RBBP8: variants seen among roughly 807,000 people sequenced by gnomAD.
The protein encoded by RBBP8 is DNA endonuclease RBBP8.
In RBBP8, 88 loss-of-function variants were observed where a neutral mutation model predicts 108.3. That is an observed-to-expected ratio of 0.81 (90% CI 0.68 to 0.97). The LOEUF (loss-of-function observed/expected upper bound fraction) is 0.97, where lower values mean the gene tolerates loss of function less well. Ranked by LOEUF, RBBP8 falls within the 50% of genes least tolerant of loss-of-function variation. RBBP8 has a pLI of 0.00. For synonymous variants in RBBP8, 332 were observed against 348.2 expected (o/e 0.95, Z 0.52); for missense variants, 1,023 against 1,049.0 (o/e 0.98, Z 0.34).
rs535624031 is a variant in RBBP8, at chr18:22,993,331, C to T, written c.1504C>T (p.Arg502Cys). 1.9e-5 allele frequency: 31 copies of T among 1,614,170 alleles called. No individual in the cohort carries two copies. The African/African-American group carries it at 2.5e-4, about 13-fold the overall frequency. Reference sequence around the variant, plus strand: ...GTCTGATCGATTTTCAGCTATTCAGCGTCAAGAGAAAAGCCAAGGAAGTGA... The same window carrying T: ...GTCTGATCGATTTTCAGCTATTCAGTGTCAAGAGAAAAGCCAAGGAAGTGA... ...DLSDRFSAIQ[R>C]QEKSQGSETS... The change falls in exon 11 of 19, where the codon CGT (arginine) becomes TGT (cysteine). Residue 502 changes from arginine (R) to cysteine (C), a missense_variant. Transcript: ENST00000327155.
At chr18:22,921,936 A>C (rs536888657) in intron 3 of RBBP8, among the ~76,000 whole-genome samples, 1 of 152,186 alleles carries the variant, frequency 6.6e-6, no homozygotes. Flanking sequence ...AAACAGATTG[A>C]CTACATTGGA....
intron 16 of RBBP8, among the ~76,000 whole-genome samples, chr18:23,014,471 T>C (rs2046223446): frequency 6.6e-6 from 1 of 152,084 alleles, no homozygotes; most frequent in African/African-American, 2.4e-5. Context: ...TCATCTGTAC[T>C]AAAAAGCAAA....
At chr18:22,972,124 G>C (rs1163537258) in intron 5 of RBBP8, among the ~76,000 whole-genome samples, 1 of 150,072 alleles carries the variant, frequency 6.7e-6, no homozygotes, top group East Asian at 2.1e-4. Context: ...GGGAAGCTGA[G>C]GTGGGTGGAT....
chr18:22,989,994 T>C (rs188414764), intron 9 of RBBP8, among the ~76,000 whole-genome samples: 15 of 152,362 alleles, frequency 9.8e-5, no homozygotes, highest in Admixed American at 8.5e-4. Context: ...TGTCTTGCTG[T>C]TGAATTTCTA....
chr18:22,949,749 T>C, intron 4 of RBBP8, 36 bp downstream of exon 4: 1 of 1,431,564 alleles, frequency 7.0e-7, no homozygotes, highest in Non-Finnish European at 9.9e-7. Context: ...TAAGAAGTGA[T>C]TTCCTCCATA....
rs574205002 is a variant in RBBP8, at chr18:22,993,998, CG to C, written c.1939+153del. ...TTATAGGACGATTCTCACATTTTAC[CG>C]GTGATTTTTCTGTTCTTTTTTTTTT... On this transcript the variant is annotated intron_variant, in intron 12 of 18. Transcript: ENST00000327155. 83 of 553,320 alleles carry C rather than the reference CG, an allele frequency of 1.5e-4. No homozygotes were observed. The African/African-American group carries it at 1.6e-3, about 11-fold the overall frequency. 34.3% of individuals were successfully genotyped at this position (553,320 alleles called of 1,614,324 possible). A position where few individuals can be genotyped will look rare whatever the true frequency, so the allele number is the denominator to read the frequency against.
At chr18:22,982,135 T>A in intron 6 of RBBP8, 83 bp from the exon 7 acceptor site, 4 of 1,438,102 alleles carry the variant, frequency 2.8e-6, no homozygotes, top group Non-Finnish European at 3.8e-6. Context: ...TTCATGTTTG[T>A]GTTCTACTGT....
intron 3 of RBBP8, among the ~76,000 whole-genome samples, chr18:22,949,168 T>C (rs953529490): frequency 2.0e-5 from 3 of 152,196 alleles, no homozygotes; most frequent in African/African-American, 7.2e-5. Context: ...AGAGCTGGAC[T>C]CAAACCCATT....
chr18:23,001,573 C>G lies in RBBP8; in HGVS notation c.2144-13C>G. Reference sequence around the variant, plus strand: ...GCTTGCTTATTGCCCTAAGCCAGTGCTCTTTTACATAGATGAAGAAAGAAA... The same window carrying G: ...GCTTGCTTATTGCCCTAAGCCAGTGGTCTTTTACATAGATGAAGAAAGAAA... On this transcript the variant is annotated splice_polypyrimidine_tract_variant and intron_variant, in intron 14 of 18. Transcript: ENST00000327155. 6.2e-7 allele frequency: 1 copy of G among 1,614,036 alleles called. No homozygotes were observed. The highest frequency in any genetic ancestry group is 8.5e-7 in the Non-Finnish European group (1 of 1,179,982).
intron 18 of RBBP8, among the ~76,000 whole-genome samples, chr18:23,023,343 C>A (rs1008591834): frequency 6.6e-6 from 1 of 152,140 alleles, no homozygotes; most frequent in Non-Finnish European, 1.5e-5. Context: ...TAAGTGGTAT[C>A]TGAATAAATA....
chr18:22,974,608 C>T (rs1311534826), intron 5 of RBBP8, among the ~76,000 whole-genome samples: 3 of 152,192 alleles, frequency 2.0e-5, no homozygotes, highest in Admixed American at 6.5e-5. Flanking sequence ...TACAGGCATG[C>T]GCCACCATGT....
At chr18:22,992,641 A>C (rs1915776420) in intron 10 of RBBP8, 107 bp from the exon 11 acceptor site, 8 of 916,486 alleles carry the variant, frequency 8.7e-6, no homozygotes, top group Non-Finnish European at 1.3e-5. Flanking sequence ...AAGAGAAGCC[A>C]AAAGCTGTAC....
At chr18:22,916,574 T>A (rs780249296) in intron 2 of RBBP8, among the ~76,000 whole-genome samples, 5 of 152,102 alleles carry the variant, frequency 3.3e-5, no homozygotes, top group Non-Finnish European at 7.4e-5. Flanking sequence ...TGTTAATGAA[T>A]CTTTGGTGAA....
chr18:22,996,947 A>G (rs1330821434), intron 13 of RBBP8, among the ~76,000 whole-genome samples: 1 of 152,204 alleles, frequency 6.6e-6, no homozygotes, highest in African/African-American at 2.4e-5. Flanking sequence ...GCAGTGAGGT[A>G]TGATCACACC....
chr18:22,967,890 G>A (rs954066980), intron 4 of RBBP8, among the ~76,000 whole-genome samples: 6 of 151,790 alleles, frequency 4.0e-5, no homozygotes, highest in Admixed American at 6.6e-5. Context: ...CTTGTGTTCC[G>A]CCCGCCTCGG....
At chr18:23,025,087 GAAAT>G (rs1568012336) in intron 18 of RBBP8, among the ~76,000 whole-genome samples, 1 of 151,588 alleles carries the variant, frequency 6.6e-6, no homozygotes, top group Non-Finnish European at 1.5e-5. Context: ...GGCTCTAGAC[GAAAT>G]AAATAATAAA....
At chr18:22,939,372 G>C (rs935050903) in intron 2 of RBBP8, among the ~76,000 whole-genome samples, 1 of 152,086 alleles carries the variant, frequency 6.6e-6, no homozygotes, top group African/African-American at 2.4e-5. Context: ...CGGGTGTGGT[G>C]GTGCGCACCT....
intron 4 of RBBP8, among the ~76,000 whole-genome samples, chr18:22,964,437 A>G (rs1002653136): frequency 2.3e-4 from 31 of 134,028 alleles, no homozygotes; most frequent in African/African-American, 8.1e-4. Flanking sequence ...TTTCTTCACT[A>G]TTCCCCACAC....
rs996855677 is a variant in RBBP8 at position 22,993,433 on chromosome 18, C to G, written c.1606C>G (p.Arg536Gly). ...CATTCCAAAGGGCTTTTCCTCAAGC[C>G]GTAAGGCCTCAGATGGCAACTGCAC... ...KTIPKGFSSS[R>G]KASDGNCTLP... The change falls in exon 11 of 19, where the codon CGT (arginine) becomes GGT (glycine). Residue 536 changes from arginine (R) to glycine (G), a missense_variant. Transcript: ENST00000327155. 6 of 1,614,224 alleles carry G rather than the reference C, an allele frequency of 3.7e-6. No homozygotes were observed. The highest frequency in any genetic ancestry group is 5.1e-6 in the Non-Finnish European group (6 of 1,180,024).
Sources: gnomAD v4.1 joint callset for allele counts (sites outside exome capture counted in the v4.1 genomes callset) on GRCh38, gnomAD v4.1.1 for gene constraint, MANE v1.5 for transcripts, NCBI Gene and HGNC (gene_info 2026-07-23, HGNC 2026-07-21) for gene names.